PCDHA2: variants seen among roughly 807,000 people sequenced by gnomAD.
PCDHA2 encodes protocadherin alpha-2.
In PCDHA2, 58 loss-of-function variants were observed where a neutral mutation model predicts 66.0. That is an observed-to-expected ratio of 0.88 (90% confidence interval 0.71 to 1.09). The LOEUF is 1.09. Ranked by LOEUF, PCDHA2 falls within the 50% of genes least tolerant of loss-of-function variation. The pLI is 0.00. For missense variants in PCDHA2, 1,267 were observed against 1,242.3 expected, an observed-to-expected ratio of 1.02 and a Z score of -0.30; for synonymous variants, 634 against 554.0, an observed-to-expected ratio of 1.14 and a Z score of -2.03.
chr5:140,849,100 G>C lies in PCDHA2; in HGVS notation c.2388+51748G>C, dbSNP rs1554142751. 2.0e-6 allele frequency: 3 copies of C among 1,471,168 alleles called. No individual in the cohort carries two copies. The Admixed American group carries it at 6.2e-5, about 30-fold the overall frequency. The allele number at this position is 1,471,168 out of a possible 1,614,324, so 91.1% of individuals were successfully genotyped here. A position where few individuals can be genotyped will look rare whatever the true frequency, so the allele number is the denominator to read the frequency against. Reference sequence around the variant, plus strand: ...CTTGTATTACGGAAACTTTTAGACAGAGAAGAAACTCCGGAGCTTCATTTA... The same window carrying C: ...CTTGTATTACGGAAACTTTTAGACACAGAAGAAACTCCGGAGCTTCATTTA... On this transcript the variant is annotated intron_variant, in intron 1 of 3. Transcript: ENST00000526136.
chr5:140,946,165 G>C (rs1554217364), intron 1 of PCDHA2, among the ~76,000 whole-genome samples: 1 of 151,838 alleles, frequency 6.6e-6, no homozygotes, highest in Non-Finnish European at 1.5e-5. Context: ...TTAAAAGATG[G>C]GTAAAGGATG....
rs1554204607 is a variant in PCDHA2 at position 140,927,485 on chromosome 5, C to G, written c.2389-51464C>G. On this transcript the variant is annotated intron_variant, in intron 1 of 3. Transcript: ENST00000526136. ...GCACTGGATCGCGAACAGCGCGCCA[C>G]CCACCTGCTGGTGCTTACAGCTCGG... is the stretch of plus-strand genomic sequence containing the variant. The G allele has an allele frequency of 2.5e-6, 4 of 1,614,098 alleles. No individual in the cohort carries two copies. In the Admixed American group the frequency reaches 6.7e-5, roughly 27 times the overall value.
At position 140,850,814 on chromosome 5, in the gene PCDHA2, C is replaced by A. The variant is rs2150499236; in HGVS notation, c.2388+53462C>A. The A allele has an allele frequency of 8.1e-6, 13 of 1,598,168 alleles. 1 individual carries two copies. In the South Asian group the frequency reaches 1.4e-4, roughly 18 times the overall value. On this transcript the variant is annotated intron_variant, in intron 1 of 3. Transcript: ENST00000526136. ...AGAAGACCGACCTCATGGCCTTCAG[C>A]CCGGGCCTTTCTCCTTGTGCTGGAT...
chr5:140,968,465 G>A lies in PCDHA2; in HGVS notation c.2389-10484G>A, dbSNP rs782606184. On this transcript the variant is annotated intron_variant, in intron 1 of 3. Coordinates refer to ENST00000526136, the MANE Select transcript of PCDHA2 (RefSeq NM_018905.3). ...ACTGAGCAGCACTGTGACTGCCAACGTATATGTGGTGGACATGAATGACCA... is the reference window on the plus strand; with the variant it reads ...ACTGAGCAGCACTGTGACTGCCAACATATATGTGGTGGACATGAATGACCA... 78 of 1,614,004 alleles carry A rather than the reference G, an allele frequency of 4.8e-5. No individual in the cohort carries two copies. Among genetic ancestry groups the A allele is most frequent in the Non-Finnish European group, 6.1e-5 (72 of 1,180,028 alleles).
rs1172925947 is a variant in PCDHA2 at position 140,794,982 on chromosome 5, A to G, written c.18A>G (p.Arg6=). The G allele has an allele frequency of 6.2e-7, 1 of 1,610,934 alleles. No homozygotes were observed. The highest frequency in any genetic ancestry group is 8.5e-7 in the Non-Finnish European group (1 of 1,178,568). ...GATTGGTAATGGCGTCTTCTATCAGAAGGGGCCGAGGGGCCTGGACACGGC... is the reference window on the plus strand; with the variant it reads ...GATTGGTAATGGCGTCTTCTATCAGGAGGGGCCGAGGGGCCTGGACACGGC... MASSI[R]RGRGAWTRLL... is the part of the protein sequence containing the mutation. The change falls in exon 1 of 4, where the codon AGA becomes AGG. Residue 6 remains arginine, a synonymous_variant. Transcript: ENST00000526136.
intron 1 of PCDHA2, among the ~76,000 whole-genome samples, chr5:140,960,324 G>A (rs2095540604): frequency 6.6e-6 from 1 of 152,168 alleles, no homozygotes; most frequent in Non-Finnish European, 1.5e-5. Context: ...AGGGTCCTGT[G>A]AGAAGTACAT....
intron 1 of PCDHA2, among the ~76,000 whole-genome samples, chr5:140,924,668 G>T (rs2081943079): frequency 6.6e-6 from 1 of 152,142 alleles, no homozygotes; most frequent in Non-Finnish European, 1.5e-5. Context: ...GCCGAGGCAG[G>T]CCAATCACTT....
intron 1 of PCDHA2, among the ~76,000 whole-genome samples, chr5:140,892,776 T>C (rs2063665865): frequency 6.6e-6 from 1 of 152,224 alleles, no homozygotes; most frequent in East Asian, 1.9e-4. Flanking sequence ...TTCTAGCTTC[T>C]TGAAAATATG....
chr5:140,850,112 C>G, intron 1 of PCDHA2: 1 of 1,596,024 alleles, frequency 6.3e-7, no homozygotes, highest in Non-Finnish European at 8.6e-7. Context: ...GCGCGCGCGA[C>G]GCGGGCGTGC....
intron 1 of PCDHA2, among the ~76,000 whole-genome samples, chr5:140,915,973 T>G (rs1472373994): frequency 3.9e-5 from 6 of 152,150 alleles, no homozygotes; most frequent in African/African-American, 1.4e-4. Context: ...TGATATTTTA[T>G]TTGACTACGG....
intron 1 of PCDHA2, among the ~76,000 whole-genome samples, chr5:140,920,769 G>T (rs2153558518): frequency 6.6e-6 from 1 of 151,918 alleles, no homozygotes; most frequent in African/African-American, 2.4e-5. Context: ...GCTTACACCT[G>T]GGAGGTGGAG....
chr5:140,978,037 A>G (rs1260035731), intron 1 of PCDHA2, among the ~76,000 whole-genome samples: 12 of 152,322 alleles, frequency 7.9e-5, no homozygotes, highest in African/African-American at 2.4e-4. Flanking sequence ...GATACAAGAC[A>G]GTGATGGTGA....
At chr5:141,004,677 A>T (rs971713487) in intron 3 of PCDHA2, among the ~76,000 whole-genome samples, 4 of 152,194 alleles carry the variant, frequency 2.6e-5, no homozygotes, top group African/African-American at 7.2e-5. Context: ...AGGACTGTGG[A>T]GTGGTGCTGA....
At chr5:140,982,665 A>T in intron 3 of PCDHA2, 102 bp downstream of exon 3, 1 of 1,465,322 alleles carries the variant, frequency 6.8e-7, no homozygotes, top group Non-Finnish European at 9.0e-7. Context: ...TTTCTTTTAT[A>T]TTTTTGTTAT....
intron 1 of PCDHA2, chr5:140,821,817 G>A: frequency 6.2e-7 from 1 of 1,613,974 alleles, no homozygotes; most frequent in African/African-American, 1.3e-5. Context: ...CCCGGCTCCT[G>A]CTGCTCTGGC....
chr5:140,913,489 G>C (rs1428566821), intron 1 of PCDHA2, among the ~76,000 whole-genome samples: 1 of 151,754 alleles, frequency 6.6e-6, no homozygotes, highest in Non-Finnish European at 1.5e-5. Context: ...TTCTTCATTA[G>C]TCTGTTTAAA....
rs147180015 is a variant in PCDHA2, at chr5:140,822,636, T to G, written c.2388+25284T>G. On this transcript the variant is annotated intron_variant, in intron 1 of 3. Transcript: ENST00000526136. ...TCTTTAGTAATCTTGTTCTTGACGATGTAAAGTCCAAATTTATAATTAATT... is the reference window on the plus strand; with the variant it reads ...TCTTTAGTAATCTTGTTCTTGACGAGGTAAAGTCCAAATTTATAATTAATT... 3.1e-6 allele frequency: 5 copies of G among 1,610,778 alleles called. No individual in the cohort carries two copies. Among genetic ancestry groups the G allele is most frequent in the Admixed American group, 1.7e-5 (1 of 59,828 alleles).
intron 1 of PCDHA2, among the ~76,000 whole-genome samples, chr5:140,819,573 A>C (rs1194033373): frequency 6.6e-6 from 1 of 152,184 alleles, no homozygotes; most frequent in Non-Finnish European, 1.5e-5. Context: ...GCTTAGAAGA[A>C]GATTTTTTAA....
At chr5:140,894,317 A>G (rs2064424513) in intron 1 of PCDHA2, among the ~76,000 whole-genome samples, 1 of 152,034 alleles carries the variant, frequency 6.6e-6, no homozygotes, top group Non-Finnish European at 1.5e-5. Flanking sequence ...TTCTTAAATT[A>G]TAGATTTTAG....
Sources: allele counts gnomAD v4.1 joint callset (sites outside exome capture counted in the v4.1 genomes callset), GRCh38; gene constraint gnomAD v4.1.1; transcripts MANE v1.5; gene names NCBI Gene and HGNC (gene_info 2026-07-23, HGNC 2026-07-21).